STK24: variants seen among roughly 807,000 people sequenced by gnomAD.
The protein encoded by STK24 is serine/threonine-protein kinase 24.
Under a neutral mutation model 55.6 loss-of-function variants are expected in STK24, and 21 were observed. That is an observed-to-expected ratio of 0.38 (90% CI 0.27 to 0.54). The LOEUF is 0.54. STK24 is among the 20% of genes least tolerant of loss of function. STK24 has a pLI of 0.79. For missense variants in STK24, 383 were observed against 538.4 expected, an observed-to-expected ratio of 0.71 and a Z score of 2.86; for synonymous variants, 200 against 215.2, an observed-to-expected ratio of 0.93 and a Z score of 0.62.
At chr13:98,570,269 T>C (rs1041936736) in intron 1 of STK24, among the ~76,000 whole-genome samples, 1 of 152,134 alleles carries the variant, frequency 6.6e-6, no homozygotes, top group Non-Finnish European at 1.5e-5. Context: ...GAATAAGAAA[T>C]GGCGGGAGGT....
intron 1 of STK24, among the ~76,000 whole-genome samples, chr13:98,552,039 C>T (rs181145225): frequency 8.5e-5 from 13 of 152,246 alleles, no homozygotes; most frequent in East Asian, 7.7e-4. Context: ...TCTAAATGTA[C>T]GATAGTGAAC....
intron 7 of STK24, among the ~76,000 whole-genome samples, chr13:98,462,122 G>A (rs985699586): frequency 1.3e-5 from 2 of 152,048 alleles, no homozygotes; most frequent in African/African-American, 4.8e-5. Flanking sequence ...CAACTCCCTG[G>A]CGTGCCAGTG....
intron 2 of STK24, among the ~76,000 whole-genome samples, chr13:98,503,004 A>G (rs190534971): frequency 7.4e-6 from 1 of 136,018 alleles, no homozygotes; most frequent in East Asian, 2.1e-4. Flanking sequence ...TAATGAATAT[A>G]TTAGAAATAC....
intron 1 of STK24, among the ~76,000 whole-genome samples, chr13:98,551,654 C>CA (rs1289367608): frequency 6.6e-6 from 1 of 152,208 alleles, no homozygotes; most frequent in African/African-American, 2.4e-5. Context: ...AGGAACTGCT[C>CA]AAATGCTGAC....
chr13:98,470,275 T>C (rs951185380), intron 5 of STK24, among the ~76,000 whole-genome samples: 4 of 150,688 alleles, frequency 2.7e-5, no homozygotes, highest in Non-Finnish European at 5.9e-5. Context: ...CATGCCCAGC[T>C]AATTTTTAAA....
At chr13:98,527,423 T>G (rs1896462534) in intron 1 of STK24, among the ~76,000 whole-genome samples, 1 of 152,170 alleles carries the variant, frequency 6.6e-6, no homozygotes, top group Admixed American at 6.5e-5. Flanking sequence ...ACATGTGGCC[T>G]GCAAAGGGGC....
rs564700779 is a variant in STK24 at position 98,453,069 on chromosome 13, G to A, written c.*104C>T. The A allele has an allele frequency of 7.6e-5, 104 of 1,369,134 alleles. No individual in the cohort carries two copies. Among genetic ancestry groups the A allele is most frequent in the Non-Finnish European group, 8.9e-5 (87 of 979,632 alleles). 84.8% of individuals were successfully genotyped at this position (1,369,134 alleles called of 1,614,324 possible). A position where few individuals can be genotyped will look rare whatever the true frequency, so the allele number is the denominator to read the frequency against. Reference sequence around the variant, plus strand: ...TGGCGCTGGGGTGGCTCCCAGTGGCGCACCTCTTCGGTGGAGTCAGCGAAG... The same window carrying A: ...TGGCGCTGGGGTGGCTCCCAGTGGCACACCTCTTCGGTGGAGTCAGCGAAG... On this transcript the variant is annotated 3_prime_UTR_variant, in exon 11 of 11. Transcript: ENST00000539966.
intron 1 of STK24, chr13:98,576,198 C>A (rs1399360307): frequency 1.0e-6 from 1 of 985,402 alleles, no homozygotes. Context: ...GTGGAACTCG[C>A]GGTTACCTTC....
chr13:98,571,178 A>G (rs1341216004), intron 1 of STK24, among the ~76,000 whole-genome samples: 3 of 152,206 alleles, frequency 2.0e-5, no homozygotes, highest in African/African-American at 7.2e-5. Flanking sequence ...GCACAGCAGA[A>G]AGTAGCAGTG....
At chr13:98,569,251 T>C (rs573785391) in intron 1 of STK24, among the ~76,000 whole-genome samples, 1 of 151,972 alleles carries the variant, frequency 6.6e-6, no homozygotes, top group Admixed American at 6.6e-5. Context: ...AGGAAATGAA[T>C]GTCCACCCTG....
At chr13:98,565,246 C>T (rs1438590370) in intron 1 of STK24, among the ~76,000 whole-genome samples, 4 of 152,114 alleles carry the variant, frequency 2.6e-5, no homozygotes, top group East Asian at 3.9e-4. Context: ...CCCTCCGAGA[C>T]GCCCAGAATC....
chr13:98,522,268 T>C (rs1311834467), intron 1 of STK24, among the ~76,000 whole-genome samples: 1 of 152,152 alleles, frequency 6.6e-6, no homozygotes, highest in Non-Finnish European at 1.5e-5. Flanking sequence ...TGGCCCTTAC[T>C]CTAGGTCCCA....
chr13:98,464,962 A>C (rs1195730655), intron 6 of STK24, among the ~76,000 whole-genome samples: 1 of 152,208 alleles, frequency 6.6e-6, no homozygotes, highest in Non-Finnish European at 1.5e-5. Flanking sequence ...CCCGGTTTAG[A>C]AGGGCTATTT....
In STK24 at chr13:98,446,086, C is replaced by T; in HGVS notation, c.*7087G>A. The T allele has an allele frequency of 6.2e-7, 1 of 1,600,284 alleles. No homozygotes were observed. Among genetic ancestry groups the T allele is most frequent in the Non-Finnish European group, 8.6e-7 (1 of 1,167,544 alleles). On this transcript the variant is annotated 3_prime_UTR_variant, in exon 11 of 11. Coordinates refer to ENST00000539966, the MANE Select transcript of STK24 (RefSeq NM_001032296.4). Reference sequence around the variant, plus strand: ...GCCCGCTGTGCTTCTCACAGGCCTCCTTGCCTTTCAGAATCAGTTGTCTGG... The same window carrying T: ...GCCCGCTGTGCTTCTCACAGGCCTCTTTGCCTTTCAGAATCAGTTGTCTGG...
At position 98,516,662 on chromosome 13, in the gene STK24, C is replaced by A. The variant is rs1896072064; in HGVS notation, c.273+2581G>T. Among the ~76,000 whole-genome samples, 3 of 152,146 alleles carry A rather than the reference C, an allele frequency of 2.0e-5. No individual in the cohort carries two copies. The South Asian group carries it at 6.2e-4, about 32-fold the overall frequency. On this transcript the variant is annotated intron_variant, in intron 2 of 10. Coordinates refer to ENST00000539966, the MANE Select transcript of STK24 (RefSeq NM_001032296.4). ...GTGAGCCTCCATTTCTCCCCCAACG[C>A]TGACTTATGGCAGCTGAGCACAGCC...
At chr13:98,532,864 TCA>T (rs201660488) in intron 1 of STK24, among the ~76,000 whole-genome samples, 336 of 152,380 alleles carry the variant, frequency 2.2e-3, no homozygotes, top group African/African-American at 7.8e-3. Flanking sequence ...GTGGCACTAC[TCA>T]GTTTATCTAC....
chr13:98,460,214 T>TTCCTGAC (rs112280830), intron 9 of STK24, among the ~76,000 whole-genome samples, 158 bp downstream of exon 9: 1 of 151,460 alleles, frequency 6.6e-6, no homozygotes, highest in Non-Finnish European at 1.5e-5. Flanking sequence ...CGCAAGGTGG[T>TTCCTGAC]GCTGACAGCC....
At chr13:98,502,945 G>A (rs554237178) in intron 2 of STK24, among the ~76,000 whole-genome samples, 1 of 150,768 alleles carries the variant, frequency 6.6e-6, no homozygotes, top group African/African-American at 2.4e-5. Context: ...TACTACCTGT[G>A]AGGAAAGACA....
rs982409202 is a variant in STK24, at chr13:98,475,423, A to G, written c.331-65T>C. 5 of 1,125,820 alleles carry G rather than the reference A, an allele frequency of 4.4e-6. No homozygotes were observed. The African/African-American group carries it at 7.9e-5, about 18-fold the overall frequency. 69.7% of individuals were successfully genotyped at this position (1,125,820 alleles called of 1,614,324 possible). Reference sequence around the variant, plus strand: ...TATCTTATGAAAAGTTTGAGATAAAACAGAAACACTATCCATGTTAATGGA... The same window carrying G: ...TATCTTATGAAAAGTTTGAGATAAAGCAGAAACACTATCCATGTTAATGGA... On this transcript the variant is annotated intron_variant, in intron 3 of 10. Coordinates refer to ENST00000539966, the MANE Select transcript of STK24 (RefSeq NM_001032296.4).
Sources: allele counts gnomAD v4.1 joint callset (sites outside exome capture counted in the v4.1 genomes callset), GRCh38; gene constraint gnomAD v4.1.1; transcripts MANE v1.5; gene names NCBI Gene and HGNC (gene_info 2026-07-23, HGNC 2026-07-21).